The following LYSMD3 variants were observed in gnomAD, a reference collection of about 807,000 sequenced individuals.
The protein encoded by LYSMD3 is lysM and putative peptidoglycan-binding domain-containing protein 3.
A neutral mutation model predicts 26.1 loss-of-function variants in LYSMD3; 13 were observed. The observed-to-expected ratio is 0.50, with a 90% CI of 0.32 to 0.79. The LOEUF (loss-of-function observed/expected upper bound fraction) is 0.79. LYSMD3 is among the 30% of genes least tolerant of loss of function. The pLI, the probability that LYSMD3 is intolerant of heterozygous loss-of-function variation, is 0.03. For synonymous variants in LYSMD3, 109 were observed against 119.4 expected, an observed-to-expected ratio of 0.91 and a Z score of 0.57; for missense variants, 331 against 362.5, an observed-to-expected ratio of 0.91 and a Z score of 0.71.
chr5:90,518,888 G>A lies in LYSMD3; in HGVS notation c.852C>T (p.Phe284=). 6.2e-7 allele frequency: 1 copy of A among 1,614,022 alleles called. No homozygotes were observed. Among genetic ancestry groups the A allele is most frequent in the Non-Finnish European group, 8.5e-7 (1 of 1,179,928 alleles). The change falls in exon 3 of 3, where the codon TTC becomes TTT. Residue 284 remains phenylalanine, a synonymous_variant. Coordinates refer to ENST00000315948, the MANE Select transcript of LYSMD3 (RefSeq NM_198273.2). ...ACAGTTTATGATCATCTTGTTGGCT[G>A]AAATGTATTCCTTTAGTTGGCACAA... ...NGIVPTKGIH[F]SQQDDHKLYS...
intron 2 of LYSMD3, among the ~76,000 whole-genome samples, chr5:90,523,299 A>G (rs1753137966): frequency 6.6e-6 from 1 of 152,038 alleles, no homozygotes; most frequent in African/African-American, 2.4e-5. Context: ...TTAAATTTTA[A>G]TATCAAAATT....
In LYSMD3 at chr5:90,516,308, A is replaced by G. The variant is rs1435160206; in HGVS notation, c.*2511T>C. On this transcript the variant is annotated 3_prime_UTR_variant, in exon 3 of 3. Transcript: ENST00000315948. The stretch of plus-strand genomic sequence containing the variant: ...ATTTTATTTTAACCGAGACTTCATA[A>G]AACTATCAGCTTTTTGTTTACTTGC... The G allele has an allele frequency of 6.6e-6, 1 of 152,160 alleles. No homozygotes were observed. The highest frequency in any genetic ancestry group is 1.5e-5 in the Non-Finnish European group (1 of 67,976). 9.4% of individuals were successfully genotyped at this position (152,160 alleles called of 1,614,324 possible).
At position 90,519,442 on chromosome 5, in the gene LYSMD3, C is replaced by G. The variant is rs1753034858; in HGVS notation, c.298G>C (p.Asp100His). The G allele has an allele frequency of 1.9e-6, 3 of 1,613,266 alleles. No individual in the cohort carries two copies. Among genetic ancestry groups the G allele is most frequent in the African/African-American group, 1.3e-5 (1 of 74,814 alleles). ...KRVNNLISDQ[D>H]FFALRSIKIP... ...TTGATAGACCTAAGGGCAAAAAAGT[C>G]TTGATCACTGATGAGATTGTTAACT... The change falls in exon 3 of 3, where the codon GAC (aspartate) becomes CAC (histidine). Residue 100 changes from aspartate to histidine, a missense_variant. Physicochemically the swap from Asp to His is moderately conservative, Grantham distance 81. Coordinates refer to ENST00000315948, the MANE Select transcript of LYSMD3 (RefSeq NM_198273.2).
At chr5:90,528,892 C>G (rs138374481) in intron 1 of LYSMD3, among the ~76,000 whole-genome samples, 13 of 152,266 alleles carry the variant, frequency 8.5e-5, no homozygotes, top group African/African-American at 3.1e-4. Context: ...TCGCCTTGAC[C>G]TTCTTTAACT....
chr5:90,522,885 C>T (rs1431368614), intron 2 of LYSMD3, among the ~76,000 whole-genome samples: 1 of 152,200 alleles, frequency 6.6e-6, no homozygotes, highest in Non-Finnish European at 1.5e-5. Context: ...AACATCTTTA[C>T]ACCTCATTGG....
chr5:90,520,199 G>C (rs571132883), intron 2 of LYSMD3, among the ~76,000 whole-genome samples: 1 of 152,068 alleles, frequency 6.6e-6, no homozygotes, highest in Non-Finnish European at 1.5e-5. Context: ...CAACCTGTTT[G>C]TATTATCCCA....
chr5:90,526,518 C>A (rs1488910289), intron 1 of LYSMD3, among the ~76,000 whole-genome samples: 1 of 152,190 alleles, frequency 6.6e-6, no homozygotes, highest in Non-Finnish European at 1.5e-5. Flanking sequence ...ACTAATTCCA[C>A]ATTCACAGTT....
In LYSMD3 at chr5:90,517,908, G is replaced by T. The variant is rs1580229712; in HGVS notation, c.*911C>A. ...ATGCTTATTTTTAATTCTGAAACTT[G>T]GATTTACTTACATAAAGCAGTAAGG... On this transcript the variant is annotated 3_prime_UTR_variant, in exon 3 of 3. Transcript: ENST00000315948. 1 of 152,426 alleles carries T rather than the reference G, an allele frequency of 6.6e-6. No individual in the cohort carries two copies. Among genetic ancestry groups the T allele is most frequent in the South Asian group, 2.1e-4 (1 of 4,820 alleles). The allele number at this position is 152,426 out of a possible 1,614,324, so 9.4% of individuals were successfully genotyped here.
intron 2 of LYSMD3, among the ~76,000 whole-genome samples, chr5:90,524,751 C>G (rs568426505): frequency 1.3e-5 from 2 of 152,182 alleles, no homozygotes; most frequent in Non-Finnish European, 2.9e-5. Flanking sequence ...GCCAACACGC[C>G]CGGCTAATTT....
rs1752927924 is a variant in LYSMD3 at position 90,515,703 on chromosome 5, A to T, written c.*3116T>A. ...TGAAAAATAAGGGGCAAAAAATTTT[A>T]AAAACTGGTTTTACAGATACACATG... On this transcript the variant is annotated 3_prime_UTR_variant, in exon 3 of 3. Transcript: ENST00000315948. 6.6e-6 allele frequency: 1 copy of T among 152,204 alleles called. No individual in the cohort carries two copies. The highest frequency in any genetic ancestry group is 1.5e-5 in the Non-Finnish European group (1 of 68,018). 9.4% of individuals were successfully genotyped at this position (152,204 alleles called of 1,614,324 possible).
chr5:90,524,872 G>A (rs1166452985), intron 2 of LYSMD3, among the ~76,000 whole-genome samples, 163 bp downstream of exon 2: 1 of 152,136 alleles, frequency 6.6e-6, no homozygotes, highest in East Asian at 1.9e-4. Context: ...GATTACAGGC[G>A]TGAGCCACCG....
intron 2 of LYSMD3, among the ~76,000 whole-genome samples, chr5:90,522,655 C>G (rs1753121175): frequency 6.6e-6 from 1 of 152,186 alleles, no homozygotes; most frequent in Admixed American, 6.5e-5. Context: ...ATTGTATTCT[C>G]TTACTATATG....
At chr5:90,525,958 A>AAAT (rs1753213475) in intron 1 of LYSMD3, among the ~76,000 whole-genome samples, 1 of 152,228 alleles carries the variant, frequency 6.6e-6, no homozygotes, top group Non-Finnish European at 1.5e-5. Flanking sequence ...CATTAAATAT[A>AAAT]AAATCGTAAA....
intron 1 of LYSMD3, among the ~76,000 whole-genome samples, chr5:90,526,630 T>C (rs904898083): frequency 3.3e-5 from 5 of 152,188 alleles, no homozygotes; most frequent in South Asian, 2.1e-4. Context: ...GAGATAAAAT[T>C]CTTTGCACTC....
chr5:90,523,967 G>A (rs1270937536), intron 2 of LYSMD3, among the ~76,000 whole-genome samples: 2 of 152,108 alleles, frequency 1.3e-5, no homozygotes, highest in African/African-American at 4.8e-5. Flanking sequence ...TCCAAATAGA[G>A]TATAGTATCT....
chr5:90,519,396 C>T lies in LYSMD3; in HGVS notation c.344G>A (p.Ser115Asn). Residue 115 changes from serine to asparagine, a missense_variant, in exon 3 of 3, where the codon AGT becomes AAT. By Grantham distance (46) the Ser-to-Asn change is conservative (BLOSUM62 1). Around this residue, in one of 3 missense-constraint regions of LYSMD3, gnomAD observed 262 missense variants for 267.3 expected, o/e 0.98. Transcript: ENST00000315948. ...RSIKIPVKKF[S>N]SLTETLCPPK... ...AGGACAAAGTGTTTCGGTCAAGGAA[C>T]TGAACTTTTTTACTGGAATTTTGAT... 2 of 1,613,880 alleles carry T rather than the reference C, an allele frequency of 1.2e-6. No homozygotes were observed. The highest frequency in any genetic ancestry group is 1.7e-6 in the Non-Finnish European group (2 of 1,179,916).
At chr5:90,519,799 T>A (rs1389859799) in intron 2 of LYSMD3, among the ~76,000 whole-genome samples, 3 of 152,056 alleles carry the variant, frequency 2.0e-5, no homozygotes, top group Non-Finnish European at 4.4e-5. Context: ...ACCACAGTCC[T>A]TCTGCTTGTA....
rs1561265443 is a variant in LYSMD3 at position 90,518,880 on chromosome 5, T to A, written c.860A>T (p.Gln287Leu). The change falls in exon 3 of 3, where the codon CAA becomes CTA. Residue 287 changes from glutamine to leucine, a missense_variant. Transcript: ENST00000315948. ...TTGACTATACAGTTTATGATCATCT[T>A]GTTGGCTGAAATGTATTCCTTTAGT... ...VPTKGIHFSQ[Q>L]DDHKLYSQDS... is the part of the protein sequence containing the mutation. 6.2e-7 allele frequency: 1 copy of A among 1,614,070 alleles called. No individual in the cohort carries two copies. Among genetic ancestry groups the A allele is most frequent in the Non-Finnish European group, 8.5e-7 (1 of 1,179,936 alleles).
At position 90,518,871 on chromosome 5, in the gene LYSMD3, T is replaced by C. The variant is rs1469763882; in HGVS notation, c.869A>G (p.His290Arg). 1.9e-6 allele frequency: 3 copies of C among 1,614,036 alleles called. No homozygotes were observed. The highest frequency in any genetic ancestry group is 1.1e-5 in the South Asian group (1 of 91,082). ...CTGAGAATCTTGACTATACAGTTTA[T>C]GATCATCTTGTTGGCTGAAATGTAT... The part of the protein sequence containing the change: ...KGIHFSQQDD[H>R]KLYSQDSQSP... Residue 290 changes from histidine to arginine, a missense_variant, in exon 3 of 3, where the codon CAT becomes CGT. Coordinates refer to ENST00000315948, the MANE Select transcript of LYSMD3 (RefSeq NM_198273.2).
Sources: allele counts gnomAD v4.1 joint callset (sites outside exome capture counted in the v4.1 genomes callset), GRCh38; gene constraint gnomAD v4.1.1; regional missense constraint gnomAD v4.1.1; transcripts MANE v1.5; gene names NCBI Gene and HGNC (gene_info 2026-07-23, HGNC 2026-07-21).